TTC7A: variants seen among roughly 807,000 people sequenced by gnomAD.
TTC7A encodes tetratricopeptide repeat domain 7A, also known as tetratricopeptide repeat protein 7A.
A neutral mutation model predicts 103.7 loss-of-function variants in TTC7A; 110 were observed. The ratio of observed to expected loss-of-function variants is 1.06; its 90% confidence interval spans 0.91 to 1.24. The LOEUF is 1.24. TTC7A is among the 50% of genes most tolerant of loss of function. The pLI, the probability that TTC7A is intolerant of heterozygous loss-of-function variation, is 0.00. For missense variants in TTC7A, 1,340 were observed against 1,116.3 expected, an observed-to-expected ratio of 1.20 and a Z score of -2.86; for synonymous variants, 521 against 467.9, an observed-to-expected ratio of 1.11 and a Z score of -1.47.
At chr2:47,035,258 G>A (rs1006400223) in intron 15 of TTC7A, 3 of 152,230 alleles carry the variant, frequency 2.0e-5, no homozygotes, top group African/African-American at 7.2e-5. Context: ...ACTCCAGTGA[G>A]GGGGTGGAAT....
intron 3 of TTC7A, among the ~76,000 whole-genome samples, chr2:46,959,347 C>T (rs894764059): frequency 1.3e-5 from 2 of 152,224 alleles, no homozygotes; most frequent in Admixed American, 1.3e-4. Context: ...CACTCCTTGG[C>T]AGACTATTAG....
At chr2:46,969,367 C>T (rs375835126) in intron 3 of TTC7A, among the ~76,000 whole-genome samples, 1 of 152,132 alleles carries the variant, frequency 6.6e-6, no homozygotes, top group East Asian at 2.0e-4. Flanking sequence ...ATTAGCCGAG[C>T]TTAGTGGCGG....
chr2:47,051,630 C>T, intron 17 of TTC7A, 116 bp from the exon 18 acceptor site: 2 of 1,394,268 alleles, frequency 1.4e-6, no homozygotes, highest in Non-Finnish European at 1.9e-6. Flanking sequence ...AGCCGCACCA[C>T]CCTACCCTGA....
Position 47,059,009 on chromosome 2 carries a change from C to CTTTTTTTT in TTC7A, c.2153-1737_2153-1730dup, listed in dbSNP as rs35753980. 5.8e-3 allele frequency among the ~76,000 whole-genome samples: 258 copies of CTTTTTTTT among 44,716 alleles called. 61 individuals are homozygous for CTTTTTTTT. The highest frequency in any genetic ancestry group is 0.03 in the African/African-American group (248 of 8,316). The allele number at this position is 44,716 out of a possible 152,430, so 29.3% of individuals were successfully genotyped here. A position where few individuals can be genotyped will look rare whatever the true frequency, so the allele number is the denominator to read the frequency against. On this transcript the variant is annotated intron_variant, in intron 18 of 19. Coordinates refer to ENST00000319190, the MANE Select transcript of TTC7A (RefSeq NM_020458.4). Reference sequence around the variant, plus strand: ...GTGGGGTCCTCACCTCCTAAGCCTGCTTTTTTTTTTTTTTTTTTTTTTTTT... The same window carrying CTTTTTTTT: ...GTGGGGTCCTCACCTCCTAAGCCTGCTTTTTTTTTTTTTTTTTTTTTTTTTTTTTTTTT...
intron 15 of TTC7A, among the ~76,000 whole-genome samples, chr2:47,034,580 C>T (rs1558607304): frequency 1.3e-5 from 2 of 152,150 alleles, no homozygotes. Context: ...AAACAAAGTT[C>T]CTCAGCTCAT....
intron 3 of TTC7A, among the ~76,000 whole-genome samples, chr2:46,958,744 A>C (rs555962609): frequency 6.6e-6 from 1 of 152,066 alleles, no homozygotes; most frequent in South Asian, 2.1e-4. Context: ...GCTTGAGACC[A>C]TGCACGTGGC....
chr2:46,999,468 C>G, intron 8 of TTC7A: 7 of 985,242 alleles, frequency 7.1e-6, no homozygotes, highest in Non-Finnish European at 8.4e-6. Context: ...CACCATGTAT[C>G]CATCTAATCT....
chr2:46,920,570 A>C (rs568379883), intron 2 of TTC7A, among the ~76,000 whole-genome samples: 1 of 151,802 alleles, frequency 6.6e-6, no homozygotes, highest in South Asian at 2.1e-4. Flanking sequence ...AACTCACGTG[A>C]TCTGCCTGCC....
chr2:47,054,767 C>A (rs540183217), intron 18 of TTC7A, among the ~76,000 whole-genome samples: 1 of 149,892 alleles, frequency 6.7e-6, no homozygotes, highest in Non-Finnish European at 1.5e-5. Context: ...CCTAGGAAGT[C>A]GAGGCTGCAG....
intron 4 of TTC7A, among the ~76,000 whole-genome samples, chr2:46,976,489 A>G (rs750540298): frequency 2.6e-5 from 4 of 152,248 alleles, no homozygotes; most frequent in Non-Finnish European, 5.9e-5. Flanking sequence ...CGAGAGACTA[A>G]GAGCCCAGGA....
chr2:46,985,658 C>G (rs1674941189), intron 5 of TTC7A, among the ~76,000 whole-genome samples: 1 of 152,078 alleles, frequency 6.6e-6, no homozygotes, highest in Non-Finnish European at 1.5e-5. Context: ...GGTGTAGACC[C>G]CATGAGCCTG....
chr2:46,981,210 A>G (rs560710737), intron 5 of TTC7A, among the ~76,000 whole-genome samples: 24 of 151,402 alleles, frequency 1.6e-4, no homozygotes, highest in African/African-American at 5.6e-4. Flanking sequence ...GTGTTTTTCT[A>G]TGTGTAGATA....
chr2:46,985,106 G>GT (rs1335724521), intron 5 of TTC7A, among the ~76,000 whole-genome samples: 1 of 152,212 alleles, frequency 6.6e-6, no homozygotes, highest in Non-Finnish European at 1.5e-5. Flanking sequence ...CAGTGCTGCA[G>GT]TGGGTGGAGG....
At chr2:47,035,500 G>T (rs542000768) in intron 15 of TTC7A, 13 of 152,200 alleles carry the variant, frequency 8.5e-5, no homozygotes, top group African/African-American at 3.1e-4. Flanking sequence ...GGGTTGTCCC[G>T]TGAGAACCTC....
intron 10 of TTC7A, among the ~76,000 whole-genome samples, chr2:47,008,510 T>C (rs1381674929): frequency 6.6e-6 from 1 of 152,174 alleles, no homozygotes; most frequent in Non-Finnish European, 1.5e-5. Context: ...ACCAGCAAGG[T>C]GGCCCCGGGA....
intron 1 of TTC7A, among the ~76,000 whole-genome samples, chr2:46,944,546 A>G (rs1021951832): frequency 4.6e-5 from 7 of 152,008 alleles, no homozygotes; most frequent in African/African-American, 1.7e-4. Flanking sequence ...GTGAGATCCC[A>G]TCTCTACCCC....
chr2:46,935,272 C>A (rs762878000), intron 2 of TTC7A, among the ~76,000 whole-genome samples: 68 of 152,266 alleles, frequency 4.5e-4, no homozygotes, highest in Non-Finnish European at 6.9e-4. Flanking sequence ...CCTCCCCACA[C>A]TCTTTCATCC....
chr2:46,947,609 C>T (rs1225379401), intron 1 of TTC7A, among the ~76,000 whole-genome samples: 2 of 152,092 alleles, frequency 1.3e-5, no homozygotes, highest in African/African-American at 4.8e-5. Flanking sequence ...CCCAGCTACT[C>T]AGTAGGCTGA....
intron 15 of TTC7A, among the ~76,000 whole-genome samples, chr2:47,036,589 C>G (rs1287422019): frequency 6.6e-6 from 1 of 152,154 alleles, no homozygotes; most frequent in East Asian, 1.9e-4. Context: ...AAAAATCATA[C>G]CCTCTAGGCT....
Sources: gnomAD v4.1 joint callset for allele counts (sites outside exome capture counted in the v4.1 genomes callset) on GRCh38, gnomAD v4.1.1 for gene constraint, MANE v1.5 for transcripts, NCBI Gene and HGNC (gene_info 2026-07-23, HGNC 2026-07-21) for gene names.